SLC9A9: variants seen among roughly 807,000 people sequenced by gnomAD.
SLC9A9 encodes solute carrier family 9 member A9.
SLC9A9 carries 62 observed loss-of-function variants against 77.8 expected under a neutral mutation model. That is an observed-to-expected ratio of 0.80 (90% CI 0.65 to 0.98). SLC9A9 has a LOEUF of 0.98. Ranked by LOEUF, SLC9A9 falls within the 50% of genes least tolerant of loss-of-function variation. The pLI is 0.00. For synonymous variants in SLC9A9, 320 were observed against 283.5 expected (o/e 1.13, Z -1.29); for missense variants, 775 against 774.9 (o/e 1.00, Z 0.00).
intron 2 of SLC9A9, among the ~76,000 whole-genome samples, chr3:143,824,302 C>A (rs4618217): frequency 0.86 from 131,076 of 151,602 alleles, 57,638 homozygotes; most frequent in Middle Eastern, 0.94. Flanking sequence ...GAAAAAAAAA[C>A]CAAAAAACCA....
At chr3:143,762,110 A>C (rs1417466204) in intron 4 of SLC9A9, among the ~76,000 whole-genome samples, 2 of 152,036 alleles carry the variant, frequency 1.3e-5, no homozygotes, top group Non-Finnish European at 2.9e-5. Flanking sequence ...CAAACACCGC[A>C]TGTTCTCACT....
At chr3:143,577,782 A>G (rs6776465) in intron 7 of SLC9A9, among the ~76,000 whole-genome samples, 8,797 of 151,998 alleles carry the variant, frequency 0.058, 370 homozygotes, top group African/African-American at 0.097. Flanking sequence ...CCTCTGGCAC[A>G]CTTCTTCCTT....
intron 2 of SLC9A9, 58 bp from the exon 3 acceptor site, chr3:143,796,961 A>C (rs947441198): frequency 8.6e-6 from 12 of 1,392,378 alleles, no homozygotes; most frequent in Non-Finnish European, 1.2e-5. Flanking sequence ...CATTAAAAAA[A>C]CATGTTTCAA....
At chr3:143,356,202 T>C (rs984583262) in intron 14 of SLC9A9, among the ~76,000 whole-genome samples, 1 of 152,204 alleles carries the variant, frequency 6.6e-6, no homozygotes, top group Non-Finnish European at 1.5e-5. Flanking sequence ...TACAGAATAT[T>C]GCAGTGTATT....
chr3:143,607,900 A>G (rs2037954153), intron 6 of SLC9A9, among the ~76,000 whole-genome samples: 4 of 152,048 alleles, frequency 2.6e-5, no homozygotes, highest in Admixed American at 2.6e-4. Flanking sequence ...AATATTTTTA[A>G]CTTATATATG....
At chr3:143,490,437 A>G (rs1427665612) in intron 11 of SLC9A9, among the ~76,000 whole-genome samples, 11 of 152,194 alleles carry the variant, frequency 7.2e-5, no homozygotes, top group Admixed American at 7.2e-4. Flanking sequence ...GACAAATACT[A>G]TATGATTCCA....
intron 12 of SLC9A9, among the ~76,000 whole-genome samples, chr3:143,444,539 C>G (rs9871107): frequency 6.6e-6 from 1 of 151,978 alleles, no homozygotes; most frequent in Non-Finnish European, 1.5e-5. Flanking sequence ...GACTCTGGAG[C>G]GGGGTCCTTG....
intron 11 of SLC9A9, among the ~76,000 whole-genome samples, chr3:143,473,411 A>G (rs1404236455): frequency 6.6e-6 from 1 of 152,128 alleles, no homozygotes; most frequent in African/African-American, 2.4e-5. Context: ...TCCATTGAGA[A>G]CTTCCATAAG....
chr3:143,378,422 T>C (rs1353321235), intron 13 of SLC9A9, among the ~76,000 whole-genome samples: 1 of 152,214 alleles, frequency 6.6e-6, no homozygotes, highest in East Asian at 1.9e-4. Context: ...TGCAGATAAT[T>C]ATAGTACCCA....
chr3:143,280,257 A>T (rs1012478002), intron 14 of SLC9A9, among the ~76,000 whole-genome samples: 4 of 152,172 alleles, frequency 2.6e-5, no homozygotes, highest in African/African-American at 9.7e-5. Flanking sequence ...TCTTTTAGGG[A>T]ACAAAATGAA....
rs77953613 is a variant in SLC9A9, at chr3:143,758,112, C to T, written c.533+36889G>A. On this transcript the variant is annotated intron_variant, in intron 4 of 15. Coordinates refer to ENST00000316549, the MANE Select transcript of SLC9A9 (RefSeq NM_173653.4). ...TGGCCTCTAAATAAAGGTAAAATCC[C>T]GTCTTAATGACTATCATTTATAACA... Among the ~76,000 whole-genome samples the T allele has an allele frequency of 2.4e-3, 365 of 152,220 alleles. 4 individuals carry two copies. The highest frequency in any genetic ancestry group is 8.3e-3 in the African/African-American group (346 of 41,544).
At chr3:143,412,812 C>T (rs1460693488) in intron 12 of SLC9A9, among the ~76,000 whole-genome samples, 1 of 152,202 alleles carries the variant, frequency 6.6e-6, no homozygotes, top group Non-Finnish European at 1.5e-5. Flanking sequence ...AGGCAGGTTC[C>T]AGGTCTGGAT....
intron 4 of SLC9A9, among the ~76,000 whole-genome samples, chr3:143,740,873 A>C (rs1935057486): frequency 6.6e-6 from 1 of 152,186 alleles, no homozygotes. Context: ...TGATACTACT[A>C]TTCATGTGTA....
chr3:143,302,500 A>G (rs554165257), intron 14 of SLC9A9, among the ~76,000 whole-genome samples: 1 of 152,326 alleles, frequency 6.6e-6, no homozygotes, highest in Non-Finnish European at 1.5e-5. Flanking sequence ...GAGATGCAGG[A>G]AAGGCTGGGA....
At chr3:143,663,745 A>G (rs1445039239) in intron 5 of SLC9A9, among the ~76,000 whole-genome samples, 1 of 152,198 alleles carries the variant, frequency 6.6e-6, no homozygotes, top group Non-Finnish European at 1.5e-5. Context: ...AATGACATGA[A>G]GTGAGAAGAG....
At chr3:143,843,351 A>G (rs2009753609) in intron 1 of SLC9A9, among the ~76,000 whole-genome samples, 1 of 152,198 alleles carries the variant, frequency 6.6e-6, no homozygotes, top group Non-Finnish European at 1.5e-5. Context: ...ATTTTTCAGA[A>G]AAGATAATTT....
chr3:143,836,095 C>T (rs1275832927), intron 1 of SLC9A9, among the ~76,000 whole-genome samples: 1 of 152,216 alleles, frequency 6.6e-6, no homozygotes, highest in Admixed American at 6.5e-5. Context: ...CAATGGACTT[C>T]ATTCCTAAAG....
intron 5 of SLC9A9, among the ~76,000 whole-genome samples, chr3:143,663,688 G>C (rs775457524): frequency 6.6e-6 from 1 of 152,146 alleles, no homozygotes; most frequent in Non-Finnish European, 1.5e-5. Flanking sequence ...TTCAGTAGCC[G>C]ATTCCATCAA....
intron 2 of SLC9A9, among the ~76,000 whole-genome samples, chr3:143,807,457 T>G (rs1263271594): frequency 6.6e-6 from 1 of 151,634 alleles, no homozygotes; most frequent in Non-Finnish European, 1.5e-5. Flanking sequence ...ACTGAGGCAC[T>G]AAGGAGAAAA....
Sources: gnomAD v4.1 joint callset for allele counts (sites outside exome capture counted in the v4.1 genomes callset) on GRCh38, gnomAD v4.1.1 for gene constraint, MANE v1.5 for transcripts, NCBI Gene and HGNC (gene_info 2026-07-23, HGNC 2026-07-21) for gene names.